The following PTPRD variants were observed in gnomAD, a reference collection of about 807,000 sequenced individuals.
PTPRD encodes the protein protein tyrosine phosphatase receptor type D.
A neutral mutation model predicts 214.5 loss-of-function variants in PTPRD; 34 were observed. That is an observed-to-expected ratio of 0.16 (90% CI 0.12 to 0.21). The LOEUF is 0.21. Among genes scored for constraint, PTPRD ranks in the 10% least tolerant of loss-of-function variants. The probability of loss-of-function intolerance (pLI) is 1.00; values close to 1 mark genes in which losing one functional copy is unlikely to be tolerated. For synonymous variants in PTPRD, 1,128 were observed against 845.7 expected (o/e 1.33, Z -5.79); for missense variants, 2,545 against 2,398.7 (o/e 1.06, Z -1.27).
intron 10 of PTPRD, among the ~76,000 whole-genome samples, chr9:9,074,686 T>A (rs1227860518): frequency 6.6e-6 from 1 of 152,082 alleles, no homozygotes; most frequent in Admixed American, 6.6e-5. Flanking sequence ...TATTCAGAGC[T>A]TTTGCCCATT....
At chr9:9,178,498 C>G (rs2099926275) in intron 10 of PTPRD, among the ~76,000 whole-genome samples, 1 of 152,034 alleles carries the variant, frequency 6.6e-6, no homozygotes, top group Admixed American at 6.6e-5. Context: ...TTTGCCTTCT[C>G]TGGGTTTAAA....
chr9:10,137,830 C>T (rs1592112359), intron 3 of PTPRD, among the ~76,000 whole-genome samples: 1 of 151,550 alleles, frequency 6.6e-6, no homozygotes, highest in East Asian at 1.9e-4. Flanking sequence ...AATTGTAAAA[C>T]TCTTTGAAAT....
intron 8 of PTPRD, among the ~76,000 whole-genome samples, chr9:9,519,062 T>C (rs2096903124): frequency 6.6e-6 from 1 of 151,918 alleles, no homozygotes; most frequent in Non-Finnish European, 1.5e-5. Flanking sequence ...CAAAAACAAT[T>C]AATCTCCATG....
chr9:9,240,631 TTTG>T (rs1312812738), intron 9 of PTPRD, among the ~76,000 whole-genome samples: 51 of 152,268 alleles, frequency 3.3e-4, no homozygotes, highest in South Asian at 6.2e-4. Flanking sequence ...ATTAGGCTTA[TTTG>T]ATATATTAAA....
At chr9:10,459,212 T>C (rs1397788980) in intron 2 of PTPRD, among the ~76,000 whole-genome samples, 1 of 152,184 alleles carries the variant, frequency 6.6e-6, no homozygotes, top group African/African-American at 2.4e-5. Flanking sequence ...TCCATGTCCC[T>C]GCAAAAGACA....
At chr9:10,403,824 T>C (rs554263254) in intron 2 of PTPRD, among the ~76,000 whole-genome samples, 2 of 151,772 alleles carry the variant, frequency 1.3e-5, no homozygotes, top group East Asian at 3.9e-4. Flanking sequence ...AAAAGACCAG[T>C]GGTTCTCAGT....
chr9:10,526,469 A>G (rs894814308), intron 2 of PTPRD, among the ~76,000 whole-genome samples: 4 of 152,110 alleles, frequency 2.6e-5, no homozygotes, highest in Admixed American at 1.3e-4. Context: ...TTGAGAATAA[A>G]TAAGTAAAAG....
intron 3 of PTPRD, among the ~76,000 whole-genome samples, chr9:10,122,409 A>C (rs1393860085): frequency 6.6e-6 from 1 of 152,210 alleles, no homozygotes; most frequent in Non-Finnish European, 1.5e-5. Context: ...ATTTTATTTC[A>C]AATAGATCTA....
rs1323061842 is a variant in PTPRD, at chr9:9,744,857, A to C, written c.-325-10286T>G. On this transcript the variant is annotated intron_variant, in intron 6 of 45. Coordinates refer to ENST00000381196, the MANE Select transcript of PTPRD (RefSeq NM_002839.4). Reference sequence around the variant, plus strand: ...TGTGAGCCCTCCAGCAATTTTAATAATACCAACAATTTTACAACTAAAAAT... The same window carrying C: ...TGTGAGCCCTCCAGCAATTTTAATACTACCAACAATTTTACAACTAAAAAT... Among the ~76,000 whole-genome samples the C allele has an allele frequency of 2.6e-5, 4 of 151,982 alleles. No homozygotes were observed. In the East Asian group the frequency reaches 7.7e-4, roughly 29 times the overall value.
intron 7 of PTPRD, among the ~76,000 whole-genome samples, chr9:9,660,848 T>A (rs2096609122): frequency 6.6e-6 from 1 of 152,012 alleles, no homozygotes; most frequent in South Asian, 2.1e-4. Flanking sequence ...CTCATTATTA[T>A]AAACTCAGAG....
intron 35 of PTPRD, among the ~76,000 whole-genome samples, chr9:8,411,098 T>G (rs1178981273): frequency 1.3e-5 from 2 of 151,860 alleles, no homozygotes; most frequent in Non-Finnish European, 2.9e-5. Context: ...ACTTAATTCT[T>G]TTTTTTAACT....
chr9:10,597,966 G>T (rs2076998097), intron 2 of PTPRD, among the ~76,000 whole-genome samples: 1 of 151,728 alleles, frequency 6.6e-6, no homozygotes, highest in Non-Finnish European at 1.5e-5. Flanking sequence ...AAGCATGACG[G>T]CTAATGCATT....
intron 8 of PTPRD, among the ~76,000 whole-genome samples, chr9:9,566,134 C>A (rs575922465): frequency 6.6e-6 from 1 of 151,650 alleles, no homozygotes; most frequent in East Asian, 1.9e-4. Flanking sequence ...ATATTTTTTT[C>A]TTTTCCAGTA....
intron 9 of PTPRD, among the ~76,000 whole-genome samples, chr9:9,356,345 G>A (rs999745562): frequency 1.3e-5 from 2 of 151,338 alleles, no homozygotes; most frequent in African/African-American, 4.8e-5. Context: ...TTGGCTTGGC[G>A]GTTGAGGGAC....
chr9:8,436,610 C>T lies in PTPRD; in HGVS notation c.4068G>A (p.Lys1356=). The T allele has an allele frequency of 6.2e-7, 1 of 1,612,846 alleles. No homozygotes were observed. ...IERLKANDNL[K]FSQEYESIDP... is the part of the protein sequence containing the mutation. ...GAATTACCTCATATTCCTGGGAAAA[C>T]TTCAAGTTGTCATTTGCTTTCAATC... The change falls in exon 35 of 46, where the codon AAG becomes AAA. Residue 1356 remains lysine, a synonymous_variant. Coordinates refer to ENST00000381196, the MANE Select transcript of PTPRD (RefSeq NM_002839.4).
intron 9 of PTPRD, among the ~76,000 whole-genome samples, chr9:9,354,132 G>GGA: frequency 6.6e-6 from 1 of 151,720 alleles, no homozygotes; most frequent in East Asian, 2.0e-4. Context: ...CTCACTTTTA[G>GGA]GAAGTGCAAG....
chr9:8,941,622 A>G lies in PTPRD; in HGVS notation c.-104+77075T>C, dbSNP rs769210618. ...TATGCACATGTAAATTTAAAGTACTACATCCATGAAAAATAAAAATATTAT... is the reference window on the plus strand; with the variant it reads ...TATGCACATGTAAATTTAAAGTACTGCATCCATGAAAAATAAAAATATTAT... On this transcript the variant is annotated intron_variant, in intron 11 of 45. Transcript: ENST00000381196. Among the ~76,000 whole-genome samples the G allele has an allele frequency of 7.4e-4, 112 of 152,258 alleles. 2 individuals carry two copies. The highest frequency in any genetic ancestry group is 1.2e-3 in the Admixed American group (18 of 15,286).
Position 8,537,938 on chromosome 9 carries a change from G to C in PTPRD, c.353-9159C>G, listed in dbSNP as rs545685416. Among the ~76,000 whole-genome samples, 7 of 151,940 alleles carry C rather than the reference G, an allele frequency of 4.6e-5. No individual in the cohort carries two copies. The South Asian group carries it at 1.5e-3, about 32-fold the overall frequency. On this transcript the variant is annotated intron_variant, in intron 14 of 45. Transcript: ENST00000381196. ...TTAAGGCATACTGTTATTAGTGCTCGGCCTGAGCAAATGATTACCCTTTTT... is the reference window on the plus strand; with the variant it reads ...TTAAGGCATACTGTTATTAGTGCTCCGCCTGAGCAAATGATTACCCTTTTT...
chr9:10,289,247 T>C (rs1456494419), intron 3 of PTPRD, among the ~76,000 whole-genome samples: 1 of 152,190 alleles, frequency 6.6e-6, no homozygotes, highest in Non-Finnish European at 1.5e-5. Context: ...TTATTTTATG[T>C]ATTTATTAAC....
Sources: gnomAD v4.1 joint callset for allele counts (sites outside exome capture counted in the v4.1 genomes callset) on GRCh38, gnomAD v4.1.1 for gene constraint, MANE v1.5 for transcripts, NCBI Gene and HGNC (gene_info 2026-07-23, HGNC 2026-07-21) for gene names.